RASAL2: variants seen among roughly 807,000 people sequenced by gnomAD.
The protein encoded by RASAL2 is RAS protein activator like 2, also known as ras GTPase-activating protein nGAP.
A neutral mutation model predicts 128.9 loss-of-function variants in RASAL2; 58 were observed. The ratio of observed to expected loss-of-function variants is 0.45; its 90% CI spans 0.36 to 0.56. The LOEUF (loss-of-function observed/expected upper bound fraction) is 0.56. RASAL2 is among the 20% of genes least tolerant of loss of function. The pLI is 0.00. For synonymous variants in RASAL2, 561 were observed against 580.8 expected, an observed-to-expected ratio of 0.97 and a Z score of 0.49; for missense variants, 1,360 against 1,601.6, an observed-to-expected ratio of 0.85 and a Z score of 2.57.
At chr1:178,253,289 A>G (rs530185790) in intron 1 of RASAL2, among the ~76,000 whole-genome samples, 56 of 152,138 alleles carry the variant, frequency 3.7e-4, no homozygotes, top group Non-Finnish European at 6.3e-4. Flanking sequence ...TTTCAGACTC[A>G]CCGTACTCCA....
chr1:178,137,631 A>G lies in RASAL2; in HGVS notation c.202+42937A>G, dbSNP rs115414905. On this transcript the variant is annotated intron_variant, in intron 1 of 17. Coordinates refer to ENST00000367649, the MANE Select transcript of RASAL2 (RefSeq NM_170692.4). ...ATATTGGGCACTAATTTATTAGCAA[A>G]GCTGTTAACTTTTAAATGACTTTTT... Among the ~76,000 whole-genome samples, 165 of 152,314 alleles carry G rather than the reference A, an allele frequency of 1.1e-3. 1 individual carries two copies. Among genetic ancestry groups the G allele is most frequent in the African/African-American group, 3.7e-3 (154 of 41,578 alleles).
At position 178,458,340 on chromosome 1, in the gene RASAL2, G is replaced by C. The variant is rs777713880; in HGVS notation, c.3048G>C (p.Gln1016His). The change falls in exon 14 of 18, where the codon CAG (glutamine) becomes CAC (histidine). Residue 1016 changes from glutamine (Q) to histidine (H), a missense_variant. Transcript: ENST00000367649. ...TGQAQIRKVD[Q>H]GGLGARAKAP... ...AGGCCCAGATCCGAAAAGTGGACCA[G>C]GGTGGGTTAGGTGCCCGAGCCAAAG... is the stretch of plus-strand genomic sequence containing the variant. 2 of 1,614,236 alleles carry C rather than the reference G, an allele frequency of 1.2e-6. No individual in the cohort carries two copies. The highest frequency in any genetic ancestry group is 1.7e-6 in the Non-Finnish European group (2 of 1,180,042).
chr1:178,343,969 G>A (rs1670015665), intron 3 of RASAL2, among the ~76,000 whole-genome samples: 1 of 152,112 alleles, frequency 6.6e-6, no homozygotes, highest in Admixed American at 6.6e-5. Context: ...CCCATCACCT[G>A]AAAAGGAGAC....
intron 1 of RASAL2, among the ~76,000 whole-genome samples, chr1:178,244,539 C>T (rs1664679735): frequency 6.6e-6 from 1 of 152,100 alleles, no homozygotes; most frequent in Non-Finnish European, 1.5e-5. Context: ...CTGTGCCCAG[C>T]CTATTTCTTC....
rs539769783 is a variant in RASAL2 at position 178,094,597 on chromosome 1, C to T, written c.105C>T (p.Asp35=). Residue 35 remains aspartate, a synonymous_variant, in exon 1 of 18, where the codon GAC becomes GAT. Coordinates refer to ENST00000367649, the MANE Select transcript of RASAL2 (RefSeq NM_170692.4). ...SDSPLPPEDL[D]AVVPVSGAVA... is the part of the protein sequence containing the mutation. ...CGCCGCTGCCCCCGGAGGACCTGGACGCGGTTGTCCCAGTCAGTGGAGCCG... is the reference window on the plus strand; with the variant it reads ...CGCCGCTGCCCCCGGAGGACCTGGATGCGGTTGTCCCAGTCAGTGGAGCCG... 1.7e-5 allele frequency: 27 copies of T among 1,611,696 alleles called. No individual in the cohort carries two copies. Among genetic ancestry groups the T allele is most frequent in the African/African-American group, 1.5e-4 (11 of 74,986 alleles).
intron 5 of RASAL2, among the ~76,000 whole-genome samples, chr1:178,433,772 G>A (rs1428135207): frequency 6.6e-6 from 1 of 151,982 alleles, no homozygotes; most frequent in Non-Finnish European, 1.5e-5. Flanking sequence ...AATTAACTGG[G>A]AGTGGTTGGT....
chr1:178,272,386 A>G (rs1044328187), intron 1 of RASAL2, among the ~76,000 whole-genome samples: 1 of 152,182 alleles, frequency 6.6e-6, no homozygotes, highest in Non-Finnish European at 1.5e-5. Context: ...TTATTTATGA[A>G]TTAAGGAAGT....
chr1:178,413,151 G>A (rs1326498966), intron 4 of RASAL2, among the ~76,000 whole-genome samples: 2 of 152,046 alleles, frequency 1.3e-5, no homozygotes, highest in East Asian at 3.9e-4. Context: ...GTAGAGATGG[G>A]GTTTTGCCAT....
At chr1:178,466,150 G>A in intron 16 of RASAL2, 28 bp downstream of exon 16, 2 of 1,516,124 alleles carry the variant, frequency 1.3e-6, no homozygotes, top group Non-Finnish European at 1.8e-6. Context: ...AGCAGATGTG[G>A]GCTAGTTAGC....
intron 3 of RASAL2, among the ~76,000 whole-genome samples, chr1:178,325,342 T>G (rs891113649): frequency 6.6e-6 from 1 of 152,164 alleles, no homozygotes; most frequent in African/African-American, 2.4e-5. Flanking sequence ...ATCAGTTCAT[T>G]TTTTCCTCTT....
At chr1:178,362,034 G>C (rs1234459231) in intron 3 of RASAL2, among the ~76,000 whole-genome samples, 2 of 152,106 alleles carry the variant, frequency 1.3e-5, no homozygotes, top group African/African-American at 4.8e-5. Context: ...GGTAATGCTT[G>C]TTCATCTGCC....
At chr1:178,377,433 C>T (rs1304175860) in intron 3 of RASAL2, among the ~76,000 whole-genome samples, 1 of 151,124 alleles carries the variant, frequency 6.6e-6, no homozygotes. Context: ...CAAAACAAAA[C>T]TCGAAATCTA....
chr1:178,217,044 C>T (rs1234580037), intron 1 of RASAL2, among the ~76,000 whole-genome samples: 1 of 151,592 alleles, frequency 6.6e-6, no homozygotes, highest in Non-Finnish European at 1.5e-5. Flanking sequence ...GGCACGACCT[C>T]GGCTCACTGC....
intron 1 of RASAL2, among the ~76,000 whole-genome samples, chr1:178,254,157 T>C (rs1207488366): frequency 2.0e-5 from 3 of 152,226 alleles, no homozygotes. Flanking sequence ...AGTCAAATGC[T>C]GTTGTCTCTG....
At chr1:178,097,864 A>C (rs1658749000) in intron 1 of RASAL2, among the ~76,000 whole-genome samples, 1 of 152,180 alleles carries the variant, frequency 6.6e-6, no homozygotes, top group African/African-American at 2.4e-5. Flanking sequence ...TATTGTGTAC[A>C]TATGTATATA....
intron 1 of RASAL2, among the ~76,000 whole-genome samples, chr1:178,229,166 C>A (rs1208017007): frequency 6.6e-6 from 1 of 152,140 alleles, no homozygotes; most frequent in Non-Finnish European, 1.5e-5. Context: ...CCCTCTATCC[C>A]TAAATCCTTC....
At chr1:178,421,988 C>A (rs925182948) in intron 5 of RASAL2, among the ~76,000 whole-genome samples, 3 of 151,824 alleles carry the variant, frequency 2.0e-5, no homozygotes, top group African/African-American at 7.3e-5. Flanking sequence ...ATTAATGTCT[C>A]AAAAAATAGA....
chr1:178,464,481 T>A, intron 15 of RASAL2, 69 bp downstream of exon 15: 1 of 1,568,960 alleles, frequency 6.4e-7, no homozygotes, highest in Non-Finnish European at 8.6e-7. Context: ...GTTATCTAGC[T>A]AAGAACATAA....
chr1:178,208,951 G>A (rs77178527), intron 1 of RASAL2, among the ~76,000 whole-genome samples: 16,552 of 151,948 alleles, frequency 0.11, 1,139 homozygotes, highest in African/African-American at 0.19. Context: ...ATTGGGGGCA[G>A]GTTCCTCTGA....
Sources: gnomAD v4.1 joint callset for allele counts (sites outside exome capture counted in the v4.1 genomes callset) on GRCh38, gnomAD v4.1.1 for gene constraint, MANE v1.5 for transcripts, NCBI Gene and HGNC (gene_info 2026-07-23, HGNC 2026-07-21) for gene names.